Variants in LRP1B observed in about 807,000 individuals in gnomAD.
The protein encoded by LRP1B is LDL receptor related protein 1B, also known as low-density lipoprotein receptor-related protein 1B.
Under a neutral mutation model 556.6 loss-of-function variants are expected in LRP1B, and 217 were observed. The ratio of observed to expected loss-of-function variants is 0.39; its 90% CI spans 0.35 to 0.44. The LOEUF is 0.44. Ranked by LOEUF, LRP1B falls within the 20% of genes least tolerant of loss-of-function variation. LRP1B has a pLI of 1.00. For synonymous variants in LRP1B, 2,047 were observed against 1,865.8 expected (o/e 1.10, Z -2.50); for missense variants, 5,053 against 5,620.8 (o/e 0.90, Z 3.23).
chr2:141,504,723 G>A (rs1683858355), intron 2 of LRP1B, among the ~76,000 whole-genome samples: 1 of 152,098 alleles, frequency 6.6e-6, no homozygotes, highest in South Asian at 2.1e-4. Flanking sequence ...GGAGGTGGAT[G>A]TCTTAAACCT....
At chr2:140,424,828 C>T (rs72898274) in intron 66 of LRP1B, among the ~76,000 whole-genome samples, 21,371 of 152,142 alleles carry the variant, frequency 0.14, 1,866 homozygotes, top group African/African-American at 0.25. Context: ...TTCCTGGTTG[C>T]TGCCTTTAGA....
chr2:141,488,213 G>A (rs546991367), intron 2 of LRP1B, among the ~76,000 whole-genome samples: 1 of 152,076 alleles, frequency 6.6e-6, no homozygotes, highest in East Asian at 1.9e-4. Flanking sequence ...ACAATATTGG[G>A]TAGCATAATG....
At chr2:141,210,588 A>G (rs1190339282) in intron 6 of LRP1B, among the ~76,000 whole-genome samples, 1 of 152,198 alleles carries the variant, frequency 6.6e-6, no homozygotes, top group Non-Finnish European at 1.5e-5. Flanking sequence ...TGAACCTGAT[A>G]AATTTCATGT....
intron 88 of LRP1B, among the ~76,000 whole-genome samples, chr2:140,238,760 C>CT (rs1467802191): frequency 2.2e-4 from 33 of 150,724 alleles, no homozygotes; most frequent in African/African-American, 7.3e-4. Context: ...GAAGCCTGGG[C>CT]TTTTAGTATG....
intron 1 of LRP1B, among the ~76,000 whole-genome samples, chr2:141,875,507 C>T (rs1425995473): frequency 6.6e-6 from 1 of 151,872 alleles, no homozygotes; most frequent in Non-Finnish European, 1.5e-5. Context: ...TAATATACAT[C>T]TTACAGTATT....
intron 1 of LRP1B, among the ~76,000 whole-genome samples, chr2:141,940,900 T>C (rs1390733289): frequency 6.6e-6 from 1 of 152,188 alleles, no homozygotes; most frequent in Non-Finnish European, 1.5e-5. Flanking sequence ...AAGATGAAGT[T>C]ACTTACCCAA....
chr2:140,964,582 T>C (rs920319087), intron 18 of LRP1B, among the ~76,000 whole-genome samples: 1 of 134,446 alleles, frequency 7.4e-6, no homozygotes, highest in African/African-American at 2.8e-5. Context: ...GCTCGCACTC[T>C]TGTCTTCTGG....
At chr2:141,230,320 C>A (rs982103290) in intron 5 of LRP1B, among the ~76,000 whole-genome samples, 1 of 152,228 alleles carries the variant, frequency 6.6e-6, no homozygotes, top group Non-Finnish European at 1.5e-5. Flanking sequence ...AACTATCAGA[C>A]ATCCTACCAC....
chr2:141,306,096 C>T (rs1332489762), intron 3 of LRP1B, among the ~76,000 whole-genome samples: 2 of 151,958 alleles, frequency 1.3e-5, no homozygotes, highest in African/African-American at 2.4e-5. Flanking sequence ...GTAGTGCTAG[C>T]TTCGAAAAAT....
intron 41 of LRP1B, among the ~76,000 whole-genome samples, chr2:140,644,676 A>C (rs1043636957): frequency 6.6e-6 from 1 of 151,920 alleles, no homozygotes; most frequent in Non-Finnish European, 1.5e-5. Context: ...GCCTCCCAAA[A>C]AGCTGGGATT....
At chr2:141,834,959 AC>A (rs1347048395) in intron 1 of LRP1B, among the ~76,000 whole-genome samples, 1 of 151,986 alleles carries the variant, frequency 6.6e-6, no homozygotes, top group East Asian at 1.9e-4. Context: ...AAGAAAAAAG[AC>A]CTTAGACTTA....
chr2:140,793,338 T>C (rs1201461109), intron 32 of LRP1B, among the ~76,000 whole-genome samples: 1 of 152,038 alleles, frequency 6.6e-6, no homozygotes, highest in East Asian at 1.9e-4. Flanking sequence ...CAGATGAGAA[T>C]ATACAAACTA....
chr2:140,414,363 C>A (rs1312852315), intron 66 of LRP1B, among the ~76,000 whole-genome samples: 3 of 151,874 alleles, frequency 2.0e-5, no homozygotes, highest in Non-Finnish European at 4.4e-5. Flanking sequence ...GATCTAGGGC[C>A]TCACATAATA....
chr2:141,710,616 T>C (rs1692322222), intron 2 of LRP1B, among the ~76,000 whole-genome samples: 1 of 152,192 alleles, frequency 6.6e-6, no homozygotes, highest in African/African-American at 2.4e-5. Flanking sequence ...AAGATCTGTT[T>C]CATAGAGGAA....
intron 2 of LRP1B, among the ~76,000 whole-genome samples, chr2:141,527,016 C>G (rs556577314): frequency 6.6e-6 from 1 of 152,018 alleles, no homozygotes; most frequent in Admixed American, 6.6e-5. Context: ...CAGAAACATA[C>G]GAATACATTT....
At chr2:141,609,378 T>C (rs1344441423) in intron 2 of LRP1B, among the ~76,000 whole-genome samples, 1 of 151,834 alleles carries the variant, frequency 6.6e-6, no homozygotes, top group African/African-American at 2.4e-5. Context: ...TAGTGTACTG[T>C]TGCTGTCTAC....
At chr2:141,276,323 T>C (rs1030377080) in intron 3 of LRP1B, among the ~76,000 whole-genome samples, 6 of 151,646 alleles carry the variant, frequency 4.0e-5, no homozygotes, top group South Asian at 2.1e-4. Flanking sequence ...GTTTTAGGGG[T>C]ACATGTGCAG....
At chr2:140,279,546 C>T (rs1682827060) in intron 84 of LRP1B, among the ~76,000 whole-genome samples, 1 of 151,940 alleles carries the variant, frequency 6.6e-6, no homozygotes, top group Non-Finnish European at 1.5e-5. Flanking sequence ...ATCAGTGTCA[C>T]CTCTCTATAT....
At chr2:140,971,564 G>A (rs1372200594) in intron 18 of LRP1B, among the ~76,000 whole-genome samples, 1 of 152,168 alleles carries the variant, frequency 6.6e-6, no homozygotes, top group Non-Finnish European at 1.5e-5. Flanking sequence ...AAGGCCAGGT[G>A]CGGTGTCTCA....
Sources: gnomAD v4.1 joint callset for allele counts (sites outside exome capture counted in the v4.1 genomes callset) on GRCh38, gnomAD v4.1.1 for gene constraint, MANE v1.5 for transcripts, NCBI Gene and HGNC (gene_info 2026-07-23, HGNC 2026-07-21) for gene names.